Variants in MAP2 observed in about 807,000 individuals in gnomAD.
MAP2 encodes the protein microtubule associated protein 2.
Under a neutral mutation model 137.6 loss-of-function variants are expected in MAP2, and 14 were observed. The observed-to-expected ratio is 0.10, with a 90% CI of 0.07 to 0.16. The LOEUF (loss-of-function observed/expected upper bound fraction) is 0.16. Among genes scored for constraint, MAP2 ranks in the 10% least tolerant of loss-of-function variants. The probability of loss-of-function intolerance (pLI) is 1.00; values close to 1 mark genes in which losing one functional copy is unlikely to be tolerated. For synonymous variants in MAP2, 786 were observed against 782.3 expected (o/e 1.00, Z -0.08); for missense variants, 2,088 against 2,191.5 (o/e 0.95, Z 0.94).
chr2:209,481,805 T>G (rs1708848651), intron 1 of MAP2, among the ~76,000 whole-genome samples: 1 of 152,230 alleles, frequency 6.6e-6, no homozygotes, highest in African/African-American at 2.4e-5. Flanking sequence ...TTTGGATATG[T>G]TTTATCCCTA....
At chr2:209,681,670 A>G (rs940807452) in intron 7 of MAP2, among the ~76,000 whole-genome samples, 1 of 152,234 alleles carries the variant, frequency 6.6e-6, no homozygotes, top group Non-Finnish European at 1.5e-5. Flanking sequence ...CTTAGTTTTC[A>G]TATATTAAAA....
rs1354522776 is a variant in MAP2, at chr2:209,509,986, C to G, written c.-172+2345C>G. ...TTAGATTTTATGAAACACAATATTACTGAATTTAGACTGGAAACGTGTTTT... is the reference window on the plus strand; with the variant it reads ...TTAGATTTTATGAAACACAATATTAGTGAATTTAGACTGGAAACGTGTTTT... On this transcript the variant is annotated intron_variant, in intron 2 of 15. Transcript: ENST00000682079. Among the ~76,000 whole-genome samples, 6 of 149,704 alleles carry G rather than the reference C, an allele frequency of 4.0e-5. No homozygotes were observed. The East Asian group carries it at 1.2e-3, about 29-fold the overall frequency.
chr2:209,502,447 C>T (rs1046931613), intron 1 of MAP2, among the ~76,000 whole-genome samples: 1 of 152,128 alleles, frequency 6.6e-6, no homozygotes, highest in African/African-American at 2.4e-5. Context: ...TAATAATGTT[C>T]CATTGTGTAT....
chr2:209,515,958 T>A (rs750549559), intron 2 of MAP2, among the ~76,000 whole-genome samples: 2 of 151,922 alleles, frequency 1.3e-5, no homozygotes, highest in Non-Finnish European at 2.9e-5. Flanking sequence ...AAGCTAAATT[T>A]TTTTTCTTTT....
At chr2:209,655,552 C>T (rs780766188) in intron 5 of MAP2, among the ~76,000 whole-genome samples, 2 of 152,132 alleles carry the variant, frequency 1.3e-5, no homozygotes, top group Non-Finnish European at 2.9e-5. Flanking sequence ...CAACTTTTAT[C>T]ATTCATGGTT....
chr2:209,694,118 G>A lies in MAP2; in HGVS notation c.1948G>A (p.Glu650Lys). The change falls in exon 8 of 16, where the codon GAA (glutamate) becomes AAA (lysine). Residue 650 changes from glutamate to lysine, a missense_variant. Glu to Lys is a moderately conservative substitution (Grantham distance 56). This residue lies in a region of MAP2 where 859 missense variants were observed against 794.5 expected (regional missense o/e 1.08). Transcript: ENST00000682079. ...LAQSYPSDLP[E>K]EPSSPQERMF... ...ACAGAGTTATCCATCAGATTTACCT[G>A]AAGAACCCAGTTCTCCTCAAGAAAG... 6.2e-7 allele frequency: 1 copy of A among 1,613,998 alleles called. No individual in the cohort carries two copies. Among genetic ancestry groups the A allele is most frequent in the Non-Finnish European group, 8.5e-7 (1 of 1,179,988 alleles).
chr2:209,500,504 C>T (rs1247946402), intron 1 of MAP2, among the ~76,000 whole-genome samples: 2 of 152,150 alleles, frequency 1.3e-5, no homozygotes, highest in Non-Finnish European at 2.9e-5. Flanking sequence ...ATGCAACTTC[C>T]TCTGTGAATC....
In MAP2 at chr2:209,693,796, T is replaced by C. The variant is rs767278711; in HGVS notation, c.1626T>C (p.Asp542=). 15 of 1,613,932 alleles carry C rather than the reference T, an allele frequency of 9.3e-6. No homozygotes were observed. The highest frequency in any genetic ancestry group is 1.3e-5 in the Non-Finnish European group (15 of 1,180,006). ...SIQELFEMRV[D]DKDKIEGVGA... is the part of the protein sequence containing the mutation. ...AGGAACTTTTTGAAATGAGAGTTGA[T>C]GACAAAGATAAGATTGAAGGAGTTG... Residue 542 remains aspartate (D), a synonymous_variant, in exon 8 of 16, where the codon GAT becomes GAC. Coordinates refer to ENST00000682079, the MANE Select transcript of MAP2 (RefSeq NM_001375505.1).
At chr2:209,572,311 G>A (rs2074533178) in intron 2 of MAP2, among the ~76,000 whole-genome samples, 1 of 151,992 alleles carries the variant, frequency 6.6e-6, no homozygotes, top group Non-Finnish European at 1.5e-5. Context: ...ATGACCACAT[G>A]CAACGCGTAT....
At chr2:209,689,571 C>T (rs1466360218) in intron 7 of MAP2, among the ~76,000 whole-genome samples, 5 of 152,122 alleles carry the variant, frequency 3.3e-5, no homozygotes, top group Admixed American at 2.0e-4. Context: ...AGTGCAATAA[C>T]TCATGAACTT....
chr2:209,701,977 T>A (rs765110910), intron 11 of MAP2, among the ~76,000 whole-genome samples: 9 of 152,092 alleles, frequency 5.9e-5, no homozygotes, highest in Non-Finnish European at 1.3e-4. Context: ...TCTCATGAGT[T>A]AGTTATAAAA....
At position 209,685,953 on chromosome 2, in the gene MAP2, CAG is replaced by C. The variant is rs2056863412; in HGVS notation, c.454+5131_454+5132del. Among the ~76,000 whole-genome samples the C allele has an allele frequency of 4.6e-5, 7 of 152,064 alleles. No individual in the cohort carries two copies. In the South Asian group the frequency reaches 1.5e-3, roughly 32 times the overall value. ...CTCCCAGAAAATAAATGTTGAAAAG[CAG>C]AGAGGAGCATATCCCATTTTCATTT... On this transcript the variant is annotated intron_variant, in intron 7 of 15. Transcript: ENST00000682079.
intron 2 of MAP2, among the ~76,000 whole-genome samples, chr2:209,570,602 G>T (rs748486912): frequency 4.0e-5 from 6 of 151,846 alleles, no homozygotes; most frequent in Non-Finnish European, 7.4e-5. Context: ...GACCAAGCCC[G>T]TATCTAATAA....
At chr2:209,640,738 G>A (rs927914780) in intron 4 of MAP2, among the ~76,000 whole-genome samples, 2 of 151,954 alleles carry the variant, frequency 1.3e-5, no homozygotes, top group African/African-American at 4.8e-5. Flanking sequence ...CACAACAAAT[G>A]GTATCCTGCT....
intron 4 of MAP2, among the ~76,000 whole-genome samples, chr2:209,635,526 T>A (rs543045012): frequency 6.6e-6 from 1 of 152,300 alleles, no homozygotes; most frequent in South Asian, 2.1e-4. Flanking sequence ...TTGTATTTGC[T>A]CCATCCATAC....
At chr2:209,474,088 C>T (rs1405711503) in intron 1 of MAP2, among the ~76,000 whole-genome samples, 1 of 152,124 alleles carries the variant, frequency 6.6e-6, no homozygotes, top group Non-Finnish European at 1.5e-5. Context: ...AGGAGGCAAA[C>T]TTTAGAAGTA....
chr2:209,484,643 T>C (rs2058148079), intron 1 of MAP2, among the ~76,000 whole-genome samples: 1 of 152,102 alleles, frequency 6.6e-6, no homozygotes, highest in Non-Finnish European at 1.5e-5. Context: ...TGAGCCGAGA[T>C]TGCACCACTG....
chr2:209,562,552 C>A (rs2072385453), intron 2 of MAP2, among the ~76,000 whole-genome samples: 1 of 152,094 alleles, frequency 6.6e-6, no homozygotes, highest in Non-Finnish European at 1.5e-5. Context: ...CAAAAATTAG[C>A]CAGGTGTGGT....
chr2:209,652,862 T>TTTTTTGTTTTGTTTTGTTTTG (rs1408370779), intron 4 of MAP2, among the ~76,000 whole-genome samples: 2 of 152,082 alleles, frequency 1.3e-5, no homozygotes, highest in Admixed American at 6.6e-5. Context: ...TGTTGTTTGG[T>TTTTTTGTTTTGTTTTGTTTTG]TTTTTGTTTT....
Sources: allele counts gnomAD v4.1 joint callset (sites outside exome capture counted in the v4.1 genomes callset), GRCh38; gene constraint gnomAD v4.1.1; regional missense constraint gnomAD v4.1.1; transcripts MANE v1.5; gene names NCBI Gene and HGNC (gene_info 2026-07-23, HGNC 2026-07-21).